NCOA1: variants seen among roughly 807,000 people sequenced by gnomAD.
The protein encoded by NCOA1 is nuclear receptor coactivator 1.
NCOA1 carries 35 observed loss-of-function variants against 150.9 expected under a neutral mutation model. The ratio of observed to expected loss-of-function variants is 0.23; its 90% CI spans 0.18 to 0.31. The LOEUF (loss-of-function observed/expected upper bound fraction) is 0.31, where lower values mean the gene tolerates loss of function less well. Among genes scored for constraint, NCOA1 ranks in the 10% least tolerant of loss-of-function variants. NCOA1 has a pLI of 1.00. For missense variants in NCOA1, 1,491 were observed against 1,749.3 expected (o/e 0.85, Z 2.63); for synonymous variants, 590 against 630.0 (o/e 0.94, Z 0.95).
chr2:24,597,403 T>C (rs1295417599), intron 3 of NCOA1, among the ~76,000 whole-genome samples: 2 of 152,160 alleles, frequency 1.3e-5, no homozygotes, highest in African/African-American at 4.8e-5. Context: ...GGATCCTCTA[T>C]AGTCACTAAA....
rs530312439 is a variant in NCOA1, at chr2:24,759,509, C to T, written c.4065+1353C>T. Among the ~76,000 whole-genome samples the T allele has an allele frequency of 1.3e-3, 191 of 152,114 alleles. 4 individuals carry two copies. The highest frequency in any genetic ancestry group is 2.9e-4 in the Non-Finnish European group (20 of 68,016). ...GTGGAATTTATCCTGGAGCCTCTTA[C>T]ATATTTTTAGAAGAGAATGAATAAA... On this transcript the variant is annotated intron_variant, in intron 21 of 22. Coordinates refer to ENST00000348332, the MANE Select transcript of NCOA1 (RefSeq NM_003743.5).
intron 4 of NCOA1, among the ~76,000 whole-genome samples, chr2:24,655,976 T>C (rs1670925486): frequency 6.6e-6 from 1 of 151,324 alleles, no homozygotes; most frequent in South Asian, 2.1e-4. Flanking sequence ...TAGTCCCAGC[T>C]ACTCGGGAGG....
At chr2:24,567,932 C>T (rs1371148183) in intron 2 of NCOA1, among the ~76,000 whole-genome samples, 1 of 151,938 alleles carries the variant, frequency 6.6e-6, no homozygotes, top group Non-Finnish European at 1.5e-5. Flanking sequence ...TTAGTAGAGA[C>T]GGAGTTTCAC....
At chr2:24,750,989 C>T (rs1572682188) in intron 19 of NCOA1, among the ~76,000 whole-genome samples, 1 of 149,258 alleles carries the variant, frequency 6.7e-6, no homozygotes, top group Non-Finnish European at 1.5e-5. Context: ...ATGGCTTTTT[C>T]TTTTTCTTTT....
At chr2:24,680,644 G>T (rs773831935) in intron 7 of NCOA1, among the ~76,000 whole-genome samples, 8 of 152,056 alleles carry the variant, frequency 5.3e-5, no homozygotes, top group Non-Finnish European at 1.2e-4. Flanking sequence ...ATAAGTTCAA[G>T]AGATCTATTG....
At chr2:24,743,503 A>T (rs545909419) in intron 19 of NCOA1, among the ~76,000 whole-genome samples, 3 of 152,262 alleles carry the variant, frequency 2.0e-5, no homozygotes, top group Non-Finnish European at 4.4e-5. Context: ...TGGCTGGTTT[A>T]TATCAGTGAC....
intron 1 of NCOA1, among the ~76,000 whole-genome samples, chr2:24,525,199 C>T (rs1485827576): frequency 6.6e-6 from 1 of 152,166 alleles, no homozygotes; most frequent in Non-Finnish European, 1.5e-5. Context: ...TCAATTCTGT[C>T]ATCTAATGAC....
At chr2:24,734,749 G>A (rs1663204292) in intron 17 of NCOA1, among the ~76,000 whole-genome samples, 1 of 152,114 alleles carries the variant, frequency 6.6e-6, no homozygotes, top group South Asian at 2.1e-4. Flanking sequence ...AGGCTGCAGT[G>A]AGCTATGATT....
chr2:24,537,667 C>T (rs574310959), intron 1 of NCOA1, among the ~76,000 whole-genome samples: 20 of 151,932 alleles, frequency 1.3e-4, no homozygotes, highest in South Asian at 1.0e-3. Context: ...TGATGAACAA[C>T]GCAAAGATCA....
Position 24,729,594 on chromosome 2 carries a change from C to A in NCOA1, c.2980C>A (p.Pro994Thr). ...MEERPNLYSQ[P>T]YSSPSPTANL... The stretch of plus-strand genomic sequence containing the variant: ...AGAAAGACCCAACCTTTATTCCCAG[C>A]CTTACTCTTCTCCTTCTCCTACTGC... Residue 994 changes from proline (P) to threonine (T), a missense_variant, in exon 17 of 23, where the codon CCT (proline) becomes ACT (threonine). Physicochemically the swap from Pro to Thr is conservative, Grantham distance 38. This residue lies in a region of NCOA1 where 485 missense variants were observed against 522.8 expected (regional missense o/e 0.93). Transcript: ENST00000348332. The A allele has an allele frequency of 6.2e-7, 1 of 1,614,136 alleles. No homozygotes were observed. The highest frequency in any genetic ancestry group is 8.5e-7 in the Non-Finnish European group (1 of 1,179,972).
chr2:24,696,479 C>T (rs974342156), intron 10 of NCOA1, among the ~76,000 whole-genome samples: 1 of 152,122 alleles, frequency 6.6e-6, no homozygotes, highest in African/African-American at 2.4e-5. Flanking sequence ...CATAAAGAAG[C>T]CTGACAACAC....
chr2:24,632,468 T>G (rs1217014528), intron 3 of NCOA1, among the ~76,000 whole-genome samples: 6 of 152,228 alleles, frequency 3.9e-5, no homozygotes, highest in African/African-American at 1.2e-4. Flanking sequence ...GTGGGAGGCT[T>G]GAGGTCCATC....
intron 4 of NCOA1, among the ~76,000 whole-genome samples, chr2:24,652,396 G>A (rs1467888679): frequency 6.6e-6 from 1 of 152,062 alleles, no homozygotes; most frequent in East Asian, 1.9e-4. Flanking sequence ...CCTGTGTGAT[G>A]CCCTTCATAC....
chr2:24,624,441 A>G (rs1314597012), intron 3 of NCOA1, among the ~76,000 whole-genome samples: 1 of 152,212 alleles, frequency 6.6e-6, no homozygotes. Flanking sequence ...TTTAGAAAGT[A>G]GACAGATTAC....
intron 3 of NCOA1, among the ~76,000 whole-genome samples, chr2:24,620,837 GAA>G (rs1294657528): frequency 4.6e-5 from 7 of 152,086 alleles, no homozygotes; most frequent in Non-Finnish European, 7.4e-5. Context: ...TATATATAAA[GAA>G]TGTAATTTGA....
chr2:24,568,717 C>T (rs561076987), intron 2 of NCOA1, among the ~76,000 whole-genome samples: 5 of 152,114 alleles, frequency 3.3e-5, no homozygotes, highest in Non-Finnish European at 5.9e-5. Flanking sequence ...AAGTTAATAG[C>T]AAATATTATG....
chr2:24,546,112 A>G (rs1480987798), intron 1 of NCOA1, among the ~76,000 whole-genome samples: 2 of 152,116 alleles, frequency 1.3e-5, no homozygotes, highest in Non-Finnish European at 1.5e-5. Context: ...TTTAATCACA[A>G]ACTGACAGCT....
intron 1 of NCOA1, among the ~76,000 whole-genome samples, chr2:24,516,447 C>T (rs1402494920): frequency 1.3e-5 from 2 of 151,392 alleles, no homozygotes; most frequent in East Asian, 1.9e-4. Flanking sequence ...TAGCCTCGGC[C>T]TCCCAAAGTG....
At chr2:24,509,886 G>A (rs1043668703) in intron 1 of NCOA1, among the ~76,000 whole-genome samples, 13 of 152,148 alleles carry the variant, frequency 8.5e-5, no homozygotes, top group Admixed American at 3.9e-4. Context: ...GGTATATAAT[G>A]TATATTAAAA....
Sources: allele counts gnomAD v4.1 joint callset (sites outside exome capture counted in the v4.1 genomes callset), GRCh38; gene constraint gnomAD v4.1.1; regional missense constraint gnomAD v4.1.1; transcripts MANE v1.5; gene names NCBI Gene and HGNC (gene_info 2026-07-23, HGNC 2026-07-21).